Variants in TENM3 observed in about 807,000 individuals in gnomAD.
TENM3 encodes teneurin transmembrane protein 3.
In TENM3, 63 loss-of-function variants were observed where a neutral mutation model predicts 255.1. The observed-to-expected ratio is 0.25, with a 90% confidence interval of 0.20 to 0.30. The LOEUF (loss-of-function observed/expected upper bound fraction) is 0.30, where lower values mean the gene tolerates loss of function less well. Ranked by LOEUF, TENM3 falls within the 10% of genes least tolerant of loss-of-function variation. The pLI, the probability that TENM3 is intolerant of heterozygous loss-of-function variation, is 1.00. For synonymous variants in TENM3, 1,306 were observed against 1,322.3 expected (o/e 0.99, Z 0.27); for missense variants, 2,929 against 3,461.1 (o/e 0.85, Z 3.86).
the TENM3 span, among the ~76,000 whole-genome samples, chr4:181,559,671 T>C: frequency 6.6e-6 from 1 of 152,380 alleles, no homozygotes; most frequent in African/African-American, 2.4e-5. Context: ...ATATTTAACA[T>C]TATGACTATC....
chr4:181,457,937 C>T, the TENM3 span, among the ~76,000 whole-genome samples: 1 of 151,912 alleles, frequency 6.6e-6, no homozygotes, highest in African/African-American at 2.4e-5. Flanking sequence ...CCTATTACCA[C>T]TACATAGCTT....
At chr4:182,409,043 A>G (rs565121579) in intron 3 of TENM3, among the ~76,000 whole-genome samples, 3 of 152,348 alleles carry the variant, frequency 2.0e-5, no homozygotes, top group Admixed American at 2.0e-4. Context: ...TGCTCCATCC[A>G]TGCTGTGGCA....
intron 3 of TENM3, among the ~76,000 whole-genome samples, chr4:182,455,870 C>A (rs1372491838): frequency 6.6e-6 from 1 of 152,082 alleles, no homozygotes; most frequent in African/African-American, 2.4e-5. Flanking sequence ...CCTTGCACAG[C>A]ATTTCTTGTG....
intron 13 of TENM3, among the ~76,000 whole-genome samples, chr4:182,724,097 G>A (rs1759976220): frequency 6.6e-6 from 1 of 152,220 alleles, no homozygotes; most frequent in Non-Finnish European, 1.5e-5. Flanking sequence ...AGCCTAAACA[G>A]AAGAAAGACA....
the TENM3 span, among the ~76,000 whole-genome samples, chr4:182,067,109 C>T: frequency 0.019 from 2,873 of 152,214 alleles, 91 homozygotes; most frequent in African/African-American, 0.066. Context: ...TGCCATCCTT[C>T]CTTTACATTT....
intron 12 of TENM3, among the ~76,000 whole-genome samples, chr4:182,699,544 T>A (rs1455318172): frequency 6.6e-6 from 1 of 152,206 alleles, no homozygotes; most frequent in African/African-American, 2.4e-5. Context: ...TTGAATCCAT[T>A]AATTTTAATT....
the TENM3 span, among the ~76,000 whole-genome samples, chr4:181,514,664 G>A: frequency 6.6e-6 from 1 of 152,148 alleles, no homozygotes; most frequent in African/African-American, 2.4e-5. Flanking sequence ...AATGGCAGCT[G>A]TTTGTGACTC....
At chr4:182,643,014 A>G (rs1256596883) in intron 5 of TENM3, among the ~76,000 whole-genome samples, 1 of 152,210 alleles carries the variant, frequency 6.6e-6, no homozygotes, top group Non-Finnish European at 1.5e-5. Flanking sequence ...CCAAAACAAA[A>G]GCTAATTTAT....
chr4:182,241,518 C>CTTTCTT (rs1201901411), upstream of TENM3, among the ~76,000 whole-genome samples: 12 of 114,274 alleles, frequency 1.1e-4, no homozygotes, highest in African/African-American at 3.8e-4. Context: ...TTTTTTCTTT[C>CTTTCTT]TTTTTTTTTT....
At chr4:182,773,366 A>T in intron 22 of TENM3, 106 bp from the exon 23 acceptor site, 2 of 1,034,394 alleles carry the variant, frequency 1.9e-6, no homozygotes, top group South Asian at 3.5e-5. Flanking sequence ...ACGAAGACAA[A>T]TAGTCCTCCA....
chr4:181,825,580 A>T, the TENM3 span, among the ~76,000 whole-genome samples: 1 of 152,182 alleles, frequency 6.6e-6, no homozygotes. Context: ...TAGGAAAGGC[A>T]TTATTAATTT....
chr4:181,816,809 T>G, the TENM3 span, among the ~76,000 whole-genome samples: 1 of 152,244 alleles, frequency 6.6e-6, no homozygotes, highest in African/African-American at 2.4e-5. Context: ...ATCGATAATG[T>G]CATTGCTTAA....
chr4:182,261,345 A>G (rs1579934857), intron 1 of TENM3, among the ~76,000 whole-genome samples: 2 of 152,170 alleles, frequency 1.3e-5, no homozygotes, highest in African/African-American at 4.8e-5. Flanking sequence ...CACTAAAATG[A>G]ACATTGCCCT....
the TENM3 span, among the ~76,000 whole-genome samples, chr4:182,043,932 C>G: frequency 6.6e-6 from 1 of 152,158 alleles, no homozygotes; most frequent in Non-Finnish European, 1.5e-5. Context: ...TCTCTCTCTT[C>G]AAATCCTTCT....
intron 2 of TENM3, among the ~76,000 whole-genome samples, chr4:182,329,714 C>T (rs764449938): frequency 2.0e-5 from 3 of 152,046 alleles, no homozygotes; most frequent in Non-Finnish European, 2.9e-5. Flanking sequence ...ACAAAACAAA[C>T]AATGGCCACC....
chr4:181,819,832 A>T, the TENM3 span, among the ~76,000 whole-genome samples: 2 of 152,188 alleles, frequency 1.3e-5, no homozygotes, highest in African/African-American at 4.8e-5. Context: ...GCAGCCCAGT[A>T]GGTAGCAGGC....
chr4:181,687,073 A>C, the TENM3 span, among the ~76,000 whole-genome samples: 1 of 152,214 alleles, frequency 6.6e-6, no homozygotes, highest in Admixed American at 6.6e-5. Flanking sequence ...GCTTACCTAT[A>C]AAATGAGTTT....
At chr4:182,032,365 A>C in the TENM3 span, among the ~76,000 whole-genome samples, 1 of 152,174 alleles carries the variant, frequency 6.6e-6, no homozygotes, top group African/African-American at 2.4e-5. Flanking sequence ...ATTGATTTGC[A>C]TATGTTGAAC....
At chr4:181,729,053 A>C in the TENM3 span, among the ~76,000 whole-genome samples, 1 of 152,214 alleles carries the variant, frequency 6.6e-6, no homozygotes, top group Non-Finnish European at 1.5e-5. Flanking sequence ...AATAAACCAG[A>C]CATAGAGGAA....
Sources: allele counts gnomAD v4.1 joint callset (sites outside exome capture counted in the v4.1 genomes callset), GRCh38; gene constraint gnomAD v4.1.1; transcripts MANE v1.5; gene names NCBI Gene and HGNC (gene_info 2026-07-23, HGNC 2026-07-21).